Variants in COTL1 observed in about 807,000 individuals in gnomAD.
The protein encoded by COTL1 is coactosin like F-actin binding protein 1, also known as coactosin-like protein.
COTL1 carries 15 observed loss-of-function variants against 16.5 expected under a neutral mutation model. The ratio of observed to expected loss-of-function variants is 0.91; its 90% CI spans 0.61 to 1.40. COTL1 has a LOEUF of 1.40. Among genes scored for constraint, COTL1 ranks in the 40% most tolerant of loss-of-function variants. The pLI, the probability that COTL1 is intolerant of heterozygous loss-of-function variation, is 0.00. For missense variants in COTL1, 220 were observed against 201.5 expected (o/e 1.09, Z -0.56); for synonymous variants, 112 against 85.3 (o/e 1.31, Z -1.73).
chr16:84,617,446 G>T, intron 2 of COTL1, 55 bp downstream of exon 2: 2 of 1,504,026 alleles, frequency 1.3e-6, no homozygotes, highest in East Asian at 2.5e-5. Context: ...GGGCTCCCCG[G>T]GTGCAGACAA....
intron 3 of COTL1, chr16:84,568,556 T>TGTA (rs1904308723): frequency 6.6e-6 from 1 of 152,068 alleles, no homozygotes; most frequent in African/African-American, 2.4e-5. Context: ...ATGAAGACCA[T>TGTA]GTACTGTCAG....
At chr16:84,588,457 C>G (rs1416427627) in intron 3 of COTL1, among the ~76,000 whole-genome samples, 1 of 152,126 alleles carries the variant, frequency 6.6e-6, no homozygotes, top group Non-Finnish European at 1.5e-5. Flanking sequence ...CTTTTCTGTT[C>G]TAAGGTCCAA....
At chr16:84,576,294 G>A (rs929339260) in intron 3 of COTL1, 5 of 152,280 alleles carry the variant, frequency 3.3e-5, no homozygotes, top group Non-Finnish European at 7.3e-5. Flanking sequence ...TGTGGGTGCA[G>A]GGGAAGCTCC....
Position 84,617,906 on chromosome 16 carries a change from G to A in COTL1, c.9C>T (p.Thr3=), listed in dbSNP as rs778581449. ...CCCGGCAAGCCTCTTTGTCGATCTT[G>A]GTGGCCATCGCCGCGGAGCCGCAGC... MA[T]KIDKEACRAA... The change falls in exon 1 of 4, where the codon ACC becomes ACT. Residue 3 remains threonine (T), a synonymous_variant. Transcript: ENST00000262428. 31 of 1,557,274 alleles carry A rather than the reference G, an allele frequency of 2.0e-5. No individual in the cohort carries two copies. The South Asian group carries it at 3.1e-4, about 15-fold the overall frequency.
intron 3 of COTL1, among the ~76,000 whole-genome samples, chr16:84,574,826 T>C (rs1178495159): frequency 6.6e-6 from 1 of 151,830 alleles, no homozygotes; most frequent in Non-Finnish European, 1.5e-5. Context: ...GTTTTGTCCC[T>C]GTGACCTTTC....
At chr16:84,580,078 C>T (rs1418842570) in intron 3 of COTL1, among the ~76,000 whole-genome samples, 1 of 152,206 alleles carries the variant, frequency 6.6e-6, no homozygotes. Flanking sequence ...GGGGCAGGTA[C>T]CAGGCTAGGG....
intron 2 of COTL1, chr16:84,595,309 C>T (rs1252435986): frequency 1.3e-5 from 2 of 152,136 alleles, no homozygotes; most frequent in Admixed American, 1.3e-4. Flanking sequence ...TTTGAAAATC[C>T]GAGTCACGTT....
At chr16:84,568,975 G>A (rs1904310309) in intron 3 of COTL1, 1 of 152,236 alleles carries the variant, frequency 6.6e-6, no homozygotes, top group Non-Finnish European at 1.5e-5. Flanking sequence ...CCAGACAGAG[G>A]TAGGGCTTGC....
chr16:84,588,468 T>C (rs1190081457), intron 3 of COTL1, among the ~76,000 whole-genome samples: 1 of 152,200 alleles, frequency 6.6e-6, no homozygotes, highest in Non-Finnish European at 1.5e-5. Flanking sequence ...TAAGGTCCAA[T>C]TCAAGATAGC....
chr16:84,615,795 T>A (rs1905461886), intron 2 of COTL1, among the ~76,000 whole-genome samples: 1 of 152,070 alleles, frequency 6.6e-6, no homozygotes, highest in African/African-American at 2.4e-5. Context: ...TTAGGCCAAC[T>A]GTTTACAAAA....
chr16:84,593,296 G>A (rs1260999756), intron 2 of COTL1, among the ~76,000 whole-genome samples: 2 of 152,154 alleles, frequency 1.3e-5, no homozygotes, highest in Non-Finnish European at 2.9e-5. Flanking sequence ...GGGACACTGC[G>A]CAGGTGAATC....
chr16:84,596,845 T>G (rs1053092041), intron 2 of COTL1: 1 of 152,676 alleles, frequency 6.5e-6, no homozygotes, highest in African/African-American at 2.4e-5. Flanking sequence ...TCTCCACTGC[T>G]CTGTCCTTAA....
chr16:84,586,815 T>C (rs1332928119), intron 3 of COTL1, among the ~76,000 whole-genome samples: 1 of 152,032 alleles, frequency 6.6e-6, no homozygotes, highest in Non-Finnish European at 1.5e-5. Context: ...GGTCTCGAAC[T>C]CCTGACCTCA....
chr16:84,579,374 G>A (rs978262693), intron 3 of COTL1, among the ~76,000 whole-genome samples: 3 of 152,228 alleles, frequency 2.0e-5, no homozygotes, highest in African/African-American at 7.2e-5. Flanking sequence ...TGTAGTCCCA[G>A]CTTCTTGGGA....
In COTL1 at chr16:84,569,727, C is replaced by T. The variant is rs535127041; in HGVS notation, c.319-2772G>A. On this transcript the variant is annotated intron_variant, in intron 3 of 3. Transcript: ENST00000262428. ...CAGTGTGTTACTAAGTGTATGTGAT[C>T]CGTGCAATGAAAGAACACAAGTTGG... Among the ~76,000 whole-genome samples, 7 of 152,258 alleles carry T rather than the reference C, an allele frequency of 4.6e-5. No individual in the cohort carries two copies. The East Asian group carries it at 9.7e-4, about 21-fold the overall frequency.
intron 2 of COTL1, among the ~76,000 whole-genome samples, chr16:84,611,090 C>T (rs1256284272): frequency 2.6e-5 from 4 of 152,162 alleles, no homozygotes; most frequent in African/African-American, 9.7e-5. Flanking sequence ...AATCATTATC[C>T]CCACCTTTAC....
intron 3 of COTL1, among the ~76,000 whole-genome samples, chr16:84,574,249 G>A (rs1001158876): frequency 1.3e-5 from 2 of 152,226 alleles, no homozygotes; most frequent in Non-Finnish European, 2.9e-5. Flanking sequence ...GGGCCCTGGG[G>A]ATGCGTTCCT....
At chr16:84,584,052 A>C (rs1399435784) in intron 3 of COTL1, among the ~76,000 whole-genome samples, 1 of 152,240 alleles carries the variant, frequency 6.6e-6, no homozygotes, top group African/African-American at 2.4e-5. Context: ...GGCACATCGC[A>C]GGTCACTACC....
rs1905223303 is a variant in COTL1 at position 84,607,004 on chromosome 16, T to G, written c.160+10497A>C. ...ATGACCCAGGATTCAGCCCATGACT[T>G]GGGCCCACTCAAGGGAGCAACACAC... On this transcript the variant is annotated intron_variant, in intron 2 of 3. Coordinates refer to ENST00000262428, the MANE Select transcript of COTL1 (RefSeq NM_021149.5). 2.0e-5 allele frequency among the ~76,000 whole-genome samples: 3 copies of G among 152,108 alleles called. No homozygotes were observed. The South Asian group carries it at 6.2e-4, about 32-fold the overall frequency.
Sources: gnomAD v4.1 joint callset for allele counts (sites outside exome capture counted in the v4.1 genomes callset) on GRCh38, gnomAD v4.1.1 for gene constraint, MANE v1.5 for transcripts, NCBI Gene and HGNC (gene_info 2026-07-23, HGNC 2026-07-21) for gene names.